SREBF1: variants seen among roughly 807,000 people sequenced by gnomAD.
SREBF1 encodes sterol regulatory element-binding protein 1.
SREBF1 carries 45 observed loss-of-function variants against 100.1 expected under a neutral mutation model. The ratio of observed to expected loss-of-function variants is 0.45; its 90% CI spans 0.35 to 0.58. SREBF1 has a LOEUF of 0.58. Among genes scored for constraint, SREBF1 ranks in the 20% least tolerant of loss-of-function variants. The probability of loss-of-function intolerance (pLI) is 0.00; values close to 1 mark genes in which losing one functional copy is unlikely to be tolerated. For synonymous variants in SREBF1, 657 were observed against 681.8 expected (o/e 0.96, Z 0.57); for missense variants, 1,324 against 1,539.4 (o/e 0.86, Z 2.34).
Position 17,815,982 on chromosome 17 carries a change from C to G in SREBF1, c.2261G>C (p.Gly754Ala), listed in dbSNP as rs761016541. The part of the protein sequence containing the change: ...SARQACLAQS[G>A]SVPPAMQWLC... Reference sequence around the variant, plus strand: ...CCACTGCATGGCAGGAGGCACTGAGCCACTCTGTGCCAGGCAGGCCTGGCG... The same window carrying G: ...CCACTGCATGGCAGGAGGCACTGAGGCACTCTGTGCCAGGCAGGCCTGGCG... Residue 754 changes from glycine (G) to alanine (A), a missense_variant, in exon 12 of 19, where the codon GGC (glycine) becomes GCC (alanine). Gly to Ala is a moderately conservative substitution (Grantham distance 60). Coordinates refer to ENST00000261646, the MANE Select transcript of SREBF1 (RefSeq NM_004176.5). 1.2e-6 allele frequency: 2 copies of G among 1,612,820 alleles called. No individual in the cohort carries two copies. The highest frequency in any genetic ancestry group is 4.5e-5 in the East Asian group (2 of 44,876).
intron 1 of SREBF1, among the ~76,000 whole-genome samples, chr17:17,821,647 C>T (rs2034113111): frequency 6.6e-6 from 1 of 152,172 alleles, no homozygotes; most frequent in Admixed American, 6.5e-5. Context: ...GGCAGGATTG[C>T]CTTGAGGCCC....
intron 1 of SREBF1, among the ~76,000 whole-genome samples, chr17:17,828,635 G>T (rs1034987164): frequency 7.9e-5 from 12 of 152,358 alleles, no homozygotes; most frequent in African/African-American, 2.9e-4. Context: ...CAGTGCTAAG[G>T]TTAGGCGCAG....
chr17:17,817,851 C>T lies in SREBF1; in HGVS notation c.1249G>A (p.Val417Met), dbSNP rs2229590. 7,003 of 1,607,940 alleles carry T rather than the reference C, an allele frequency of 4.4e-3. 278 individuals are homozygous for T. The African/African-American group carries it at 0.081, about 19-fold the overall frequency. Reference protein sequence around the residue: ...GGNTDVLMEGVKTEVEDTLTP... With the variant: ...GGNTDVLMEGMKTEVEDTLTP... ...AGTGTGTCCTCCACCTCAGTCTTCA[C>T]GCCCTCCATGAGCACGTCTGTGTTC... The change falls in exon 7 of 19, where the codon GTG becomes ATG. Residue 417 changes from valine to methionine, a missense_variant. Coordinates refer to ENST00000261646, the MANE Select transcript of SREBF1 (RefSeq NM_004176.5). This position sits in a 1 kb window ranked among gnomAD's most constrained non-coding sequence, Gnocchi z 6.6.
intron 1 of SREBF1, among the ~76,000 whole-genome samples, chr17:17,825,370 C>T (rs1366550813): frequency 5.3e-5 from 8 of 151,972 alleles, no homozygotes; most frequent in Non-Finnish European, 8.8e-5. Context: ...GCCCCAGGGG[C>T]AGCAGAGTCA....
chr17:17,820,643 G>T, intron 1 of SREBF1, 122 bp from the exon 2 acceptor site: 1 of 1,127,236 alleles, frequency 8.9e-7, no homozygotes, highest in African/African-American at 1.5e-5. Flanking sequence ...GTATGTGTGG[G>T]CAATGCCACC....
At position 17,823,567 on chromosome 17, in the gene SREBF1, G is replaced by C. The variant is rs753184138; in HGVS notation, c.92-3046C>G. On this transcript the variant is annotated intron_variant, in intron 1 of 18. Coordinates refer to ENST00000261646, the MANE Select transcript of SREBF1 (RefSeq NM_004176.5). ...CGCGATCTGCGCCCGCCCTTGGGGC[G>C]TCCAGGCCGTTGGCCCTACCCCTCC... 6 of 1,613,322 alleles carry C rather than the reference G, an allele frequency of 3.7e-6. No homozygotes were observed. The African/African-American group carries it at 4.0e-5, about 11-fold the overall frequency.
chr17:17,817,576 G>T lies in SREBF1; in HGVS notation c.1405-119C>A. The T allele has an allele frequency of 6.5e-7, 1 of 1,528,186 alleles. No individual in the cohort carries two copies. The highest frequency in any genetic ancestry group is 8.9e-7 in the Non-Finnish European group (1 of 1,121,088). The allele number at this position is 1,528,186 out of a possible 1,614,324, so 94.7% of individuals were successfully genotyped here. A position where few individuals can be genotyped will look rare whatever the true frequency, so the allele number is the denominator to read the frequency against. ...ACTGTGGGACCCCACGTGGCTCCAG[G>T]CCTCAGTTATTCTGTCTATGAAATG... On this transcript the variant is annotated intron_variant, in intron 7 of 18. Coordinates refer to ENST00000261646, the MANE Select transcript of SREBF1 (RefSeq NM_004176.5). The surrounding 1 kb of genome is among the most constrained non-coding windows in gnomAD (Gnocchi z 6.6).
rs2143016739 is a variant in SREBF1, at chr17:17,820,518, A to G, written c.95T>C (p.Met32Thr). Residue 32 changes from methionine (M) to threonine (T), a missense_variant, in exon 2 of 19, where the codon ATG (methionine) becomes ACG (threonine). Transcript: ENST00000261646. The part of the protein sequence containing the change: ...DAALLTDIED[M>T]LQLINNQDSD... ...GTCTTGGTTGTTGATAAGCTGAAGC[A>G]TGTCTGTGAAAAGGAGAAGAGGGTG... 5 of 1,613,528 alleles carry G rather than the reference A, an allele frequency of 3.1e-6. No individual in the cohort carries two copies. Among genetic ancestry groups the G allele is most frequent in the Non-Finnish European group, 4.2e-6 (5 of 1,179,766 alleles).
chr17:17,820,529 AAGGAGAAG>A lies in SREBF1; in HGVS notation c.92-16_92-9del. 6.2e-7 allele frequency: 1 copy of A among 1,613,514 alleles called. No homozygotes were observed. Among genetic ancestry groups the A allele is most frequent in the Non-Finnish European group, 8.5e-7 (1 of 1,179,938 alleles). On this transcript the variant is annotated splice_polypyrimidine_tract_variant and intron_variant, in intron 1 of 18. Coordinates refer to ENST00000261646, the MANE Select transcript of SREBF1 (RefSeq NM_004176.5). ...TGATAAGCTGAAGCATGTCTGTGAA[AAGGAGAAG>A]AGGGTGCGTGAGTGAGGCAGAGACT...
chr17:17,811,881 G>T lies in SREBF1; in HGVS notation c.*741C>A, dbSNP rs561868649. 19 of 435,230 alleles carry T rather than the reference G, an allele frequency of 4.4e-5. No homozygotes were observed. The highest frequency in any genetic ancestry group is 8.1e-5 in the South Asian group (5 of 61,782). 27.0% of individuals were successfully genotyped at this position (435,230 alleles called of 1,614,324 possible). A position where few individuals can be genotyped will look rare whatever the true frequency, so the allele number is the denominator to read the frequency against. On this transcript the variant is annotated 3_prime_UTR_variant, in exon 19 of 19. Coordinates refer to ENST00000261646, the MANE Select transcript of SREBF1 (RefSeq NM_004176.5). ...CAACCATGTGCCCTGGGAGCAGGGG[G>T]AACAGGTAGGCTGGAGGCCATACAG...
At chr17:17,823,675 C>CCCG in intron 1 of SREBF1, 1 of 1,194,282 alleles carries the variant, frequency 8.4e-7, no homozygotes, top group Non-Finnish European at 1.1e-6. Context: ...CCCGCCCCGC[C>CCCG]CCCAGCCCCG....
Position 17,811,450 on chromosome 17 carries a change from A to G in SREBF1, c.*1172T>C, listed in dbSNP as rs1333357985. On this transcript the variant is annotated 3_prime_UTR_variant, in exon 19 of 19. Coordinates refer to ENST00000261646, the MANE Select transcript of SREBF1 (RefSeq NM_004176.5). ...AATAAAGATACAACGATTGTTTTGGAAAATCTGCAGCCCGTGGATTCCGAC... is the reference window on the plus strand; with the variant it reads ...AATAAAGATACAACGATTGTTTTGGGAAATCTGCAGCCCGTGGATTCCGAC... 1 of 227,300 alleles carries G rather than the reference A, an allele frequency of 4.4e-6. No individual in the cohort carries two copies. Among genetic ancestry groups the G allele is most frequent in the Non-Finnish European group, 8.8e-6 (1 of 113,360 alleles). 14.1% of individuals were successfully genotyped at this position (227,300 alleles called of 1,614,324 possible).
rs200554636 is a variant in SREBF1 at position 17,834,028 on chromosome 17, A to AGG, written c.91+2698_91+2699insCC. 1.6e-3 allele frequency among the ~76,000 whole-genome samples: 226 copies of AGG among 140,078 alleles called. 1 individual carries two copies. The highest frequency in any genetic ancestry group is 6.4e-3 in the African/African-American group (210 of 32,642). The allele number at this position is 140,078 out of a possible 152,430, so 91.9% of individuals were successfully genotyped here. ...CATCCCCAAACACATATAAACACAC[A>AGG]GAGAGAGAGAGAGAGAGAGAAGAAA... is the stretch of plus-strand genomic sequence containing the variant. On this transcript the variant is annotated intron_variant, in intron 1 of 18. Transcript: ENST00000261646.
rs1458718872 is a variant in SREBF1 at position 17,814,420 on chromosome 17, C to A, written c.2736-10G>T. 1 of 1,553,060 alleles carries A rather than the reference C, an allele frequency of 6.4e-7. No individual in the cohort carries two copies. The highest frequency in any genetic ancestry group is 8.7e-7 in the Non-Finnish European group (1 of 1,148,616). The stretch of plus-strand genomic sequence containing the variant: ...CCTGGGCAGGGGTCTCCTGTTGGGA[C>A]CAGGGCAGAAGAGTGCCAGTCAGAC... On this transcript the variant is annotated splice_polypyrimidine_tract_variant and intron_variant, in intron 15 of 18. Coordinates refer to ENST00000261646, the MANE Select transcript of SREBF1 (RefSeq NM_004176.5).
rs188765351 is a variant in SREBF1 at position 17,824,033 on chromosome 17, T to A, written c.92-3512A>T. On this transcript the variant is annotated intron_variant, in intron 1 of 18. Coordinates refer to ENST00000261646, the MANE Select transcript of SREBF1 (RefSeq NM_004176.5). This position sits in a 1 kb window ranked among gnomAD's most constrained non-coding sequence, Gnocchi z 4.2. ...AGAACTCTGTGTTCGAAATCACTGG[T>A]TCGCTGGCACCCTGAGCGAGCCTTA... is the stretch of plus-strand genomic sequence containing the variant. Among the ~76,000 whole-genome samples the A allele has an allele frequency of 7.9e-5, 12 of 152,274 alleles. No individual in the cohort carries two copies. The highest frequency in any genetic ancestry group is 7.8e-4 in the Admixed American group (12 of 15,298).
intron 1 of SREBF1, among the ~76,000 whole-genome samples, chr17:17,833,474 T>TATATATATATAC (rs761650350): frequency 9.0e-6 from 1 of 110,694 alleles, no homozygotes; most frequent in African/African-American, 4.1e-5. Flanking sequence ...TATATATATA[T>TATATATATATAC]ACACACACAC....
At chr17:17,827,318 C>CA (rs1454018219) in intron 1 of SREBF1, among the ~76,000 whole-genome samples, 1 of 152,160 alleles carries the variant, frequency 6.6e-6, no homozygotes, top group African/African-American at 2.4e-5. Context: ...AAAGCTGCAC[C>CA]AACTGTGAAG....
At chr17:17,812,969 G>A (rs1219622277) in intron 18 of SREBF1, 118 bp from the exon 19 acceptor site, 18 of 1,003,932 alleles carry the variant, frequency 1.8e-5, no homozygotes, top group Non-Finnish European at 2.4e-5. Context: ...GGTACCTGGC[G>A]GGGGCCTGGC....
Position 17,836,874 on chromosome 17 carries a change from C to G in SREBF1, c.-57G>C. 7.0e-7 allele frequency: 1 copy of G among 1,431,786 alleles called. No individual in the cohort carries two copies. Among genetic ancestry groups the G allele is most frequent in the Non-Finnish European group, 9.2e-7 (1 of 1,091,778 alleles). 88.7% of individuals were successfully genotyped at this position (1,431,786 alleles called of 1,614,324 possible). ...GGCCCGCCGCCTCGTACGGCCCTTCCTAGGGAGCGCCGCCGCGGCCCCGGC... is the reference window on the plus strand; with the variant it reads ...GGCCCGCCGCCTCGTACGGCCCTTCGTAGGGAGCGCCGCCGCGGCCCCGGC... On this transcript the variant is annotated 5_prime_UTR_variant, in exon 1 of 19. Coordinates refer to ENST00000261646, the MANE Select transcript of SREBF1 (RefSeq NM_004176.5).
Sources: allele counts gnomAD v4.1 joint callset (sites outside exome capture counted in the v4.1 genomes callset), GRCh38; gene constraint gnomAD v4.1.1; non-coding constraint Gnocchi (gnomAD v3.1); transcripts MANE v1.5; gene names NCBI Gene and HGNC (gene_info 2026-07-23, HGNC 2026-07-21).